RELL1: variants seen among roughly 807,000 people sequenced by gnomAD.
The protein encoded by RELL1 is RELT like 1.
Under a neutral mutation model 23.0 loss-of-function variants are expected in RELL1, and 10 were observed. The observed-to-expected ratio is 0.43, with a 90% CI of 0.27 to 0.74. RELL1 has a LOEUF of 0.74. Ranked by LOEUF, RELL1 falls within the 30% of genes least tolerant of loss-of-function variation. The pLI is 0.19. For synonymous variants in RELL1, 146 were observed against 146.8 expected, an observed-to-expected ratio of 0.99 and a Z score of 0.04; for missense variants, 315 against 364.4, an observed-to-expected ratio of 0.86 and a Z score of 1.10.
At chr4:37,604,776 G>GACAC (rs1186865181) in intron 6 of RELL1, among the ~76,000 whole-genome samples, 2 of 72,550 alleles carry the variant, frequency 2.8e-5, no homozygotes, top group South Asian at 4.8e-4. Context: ...CACACACACA[G>GACAC]ACACACACAG....
At chr4:37,640,989 T>C (rs1255380475) in intron 3 of RELL1, among the ~76,000 whole-genome samples, 1 of 152,206 alleles carries the variant, frequency 6.6e-6, no homozygotes, top group African/African-American at 2.4e-5. Flanking sequence ...TTTAAATCAC[T>C]GCCTGAGAAA....
intron 3 of RELL1, among the ~76,000 whole-genome samples, chr4:37,645,002 T>C (rs1720660961): frequency 6.6e-6 from 1 of 152,096 alleles, no homozygotes; most frequent in South Asian, 2.1e-4. Flanking sequence ...TGGGCTTCAC[T>C]TTATAACATG....
At chr4:37,599,361 G>C (rs1718959749) in intron 6 of RELL1, among the ~76,000 whole-genome samples, 1 of 152,162 alleles carries the variant, frequency 6.6e-6, no homozygotes, top group Non-Finnish European at 1.5e-5. Flanking sequence ...AAAGGGTTTG[G>C]AGTAAGCCTA....
intron 6 of RELL1, among the ~76,000 whole-genome samples, chr4:37,596,725 TATATATATA>T (rs1718861025): frequency 6.5e-5 from 1 of 15,344 alleles, no homozygotes; most frequent in Non-Finnish European, 2.2e-4. Context: ...TATATATATA[TATATATATA>T]TATTTTTTTT....
At chr4:37,651,175 G>T (rs755013207) in intron 1 of RELL1, among the ~76,000 whole-genome samples, 2 of 152,154 alleles carry the variant, frequency 1.3e-5, no homozygotes, top group Non-Finnish European at 2.9e-5. Context: ...TAATATTTAG[G>T]CTGGGCACAG....
intron 6 of RELL1, among the ~76,000 whole-genome samples, chr4:37,597,349 G>C (rs1055630462): frequency 6.6e-6 from 1 of 152,154 alleles, no homozygotes; most frequent in African/African-American, 2.4e-5. Context: ...AGGCCTTTGA[G>C]GAACAGGCTA....
intron 1 of RELL1, among the ~76,000 whole-genome samples, chr4:37,670,209 AG>A (rs1721785775): frequency 7.0e-6 from 1 of 143,056 alleles, no homozygotes; most frequent in African/African-American, 2.7e-5. Flanking sequence ...CATAATCGAT[AG>A]TTTTTTTTTT....
intron 1 of RELL1, among the ~76,000 whole-genome samples, chr4:37,670,763 A>G (rs774925774): frequency 3.3e-5 from 5 of 152,162 alleles, no homozygotes; most frequent in South Asian, 2.1e-4. Context: ...TAGTAGAGAC[A>G]GGGTTTCACC....
downstream of RELL1, chr4:37,590,358 C>T (rs761858334): frequency 1.8e-5 from 29 of 1,613,580 alleles, no homozygotes; most frequent in Middle Eastern, 1.6e-4. Flanking sequence ...TCAACGGCAT[C>T]GGCCCTGCTG....
At chr4:37,608,646 A>ATT (rs35471488), downstream of RELL1, among the ~76,000 whole-genome samples, 289 of 142,182 alleles carry the variant, frequency 2.0e-3, 1 homozygote, top group Admixed American at 2.6e-3. Flanking sequence ...TTTAAATTTA[A>ATT]TTTTTTTTTT....
intron 6 of RELL1, among the ~76,000 whole-genome samples, chr4:37,604,155 C>T (rs34517683): frequency 0.08 from 12,146 of 152,048 alleles, 613 homozygotes; most frequent in African/African-American, 0.13. Flanking sequence ...GGCTAGCGTC[C>T]GTCACCATGG....
intron 6 of RELL1, among the ~76,000 whole-genome samples, chr4:37,592,882 A>T (rs563981559): frequency 7.9e-5 from 12 of 152,248 alleles, no homozygotes; most frequent in Non-Finnish European, 1.6e-4. Context: ...ACATCCCCAC[A>T]ACTGAAAACT....
chr4:37,667,391 G>A (rs1186674745), intron 1 of RELL1, among the ~76,000 whole-genome samples: 2 of 150,746 alleles, frequency 1.3e-5, no homozygotes, highest in African/African-American at 2.4e-5. Flanking sequence ...GAGAGGTTAA[G>A]TAACCTATGC....
chr4:37,613,180 C>CAAACTGAA lies in RELL1; in HGVS notation c.*158_*165dup, dbSNP rs1210379249. 1 of 152,166 alleles carries CAAACTGAA rather than the reference C, an allele frequency of 6.6e-6. No individual in the cohort carries two copies. Among genetic ancestry groups the CAAACTGAA allele is most frequent in the Non-Finnish European group, 1.5e-5 (1 of 68,018 alleles). The allele number at this position is 152,166 out of a possible 1,614,324, so 9.4% of individuals were successfully genotyped here. On this transcript the variant is annotated 3_prime_UTR_variant, in exon 7 of 7. Coordinates refer to ENST00000454158, the MANE Select transcript of RELL1 (RefSeq NM_001085400.2). The stretch of plus-strand genomic sequence containing the variant: ...CTTTCAACCAAAACTTGTTTCAAAG[C>CAAACTGAA]AAACTGAATTCTGTATATGGCACAG...
chr4:37,650,555 C>T (rs1320076353), intron 1 of RELL1, among the ~76,000 whole-genome samples: 3 of 151,824 alleles, frequency 2.0e-5, no homozygotes, highest in Non-Finnish European at 4.4e-5. Flanking sequence ...ACACGGGGCA[C>T]TAGAAGAGAA....
At chr4:37,648,652 G>T (rs1036238625) in intron 2 of RELL1, among the ~76,000 whole-genome samples, 1 of 152,214 alleles carries the variant, frequency 6.6e-6, no homozygotes, top group African/African-American at 2.4e-5. Context: ...GAGACAGCCT[G>T]AAGTTAGTAC....
At position 37,647,452 on chromosome 4, in the gene RELL1, AG is replaced by A. The variant is rs774498967; in HGVS notation, c.314-14del. The A allele has an allele frequency of 4.4e-6, 7 of 1,590,076 alleles. No individual in the cohort carries two copies. In the African/African-American group the frequency reaches 8.1e-5, roughly 18 times the overall value. The stretch of plus-strand genomic sequence containing the variant: ...CTGTCATTCAATTCTGAAAGAGAAA[AG>A]AGGAGGGGAGAACAGGTTACAATTG... On this transcript the variant is annotated splice_polypyrimidine_tract_variant and intron_variant, in intron 2 of 6. Transcript: ENST00000454158.
chr4:37,632,691 A>G (rs1310595171), intron 5 of RELL1, among the ~76,000 whole-genome samples: 1 of 150,492 alleles, frequency 6.6e-6, no homozygotes, highest in Non-Finnish European at 1.5e-5. Context: ...AGGGTTTGAG[A>G]GTAAGCCTTT....
chr4:37,612,656 CCTT>C lies in RELL1; in HGVS notation c.*687_*689del, dbSNP rs113512978. Among the ~76,000 whole-genome samples the C allele has an allele frequency of 3.2e-3, 457 of 141,650 alleles. No homozygotes were observed. Among genetic ancestry groups the C allele is most frequent in the African/African-American group, 0.012 (437 of 36,746 alleles). The allele number at this position is 141,650 out of a possible 152,430, so 92.9% of individuals were successfully genotyped here. A position where few individuals can be genotyped will look rare whatever the true frequency, so the allele number is the denominator to read the frequency against. ...TGCCTCAAAAAAAAAAAAAAAAAAACCTTCTCAAAATGTGTAAGTGCTGTAGGA... is the reference window on the plus strand; with the variant it reads ...TGCCTCAAAAAAAAAAAAAAAAAAACCTCAAAATGTGTAAGTGCTGTAGGA... On this transcript the variant is annotated 3_prime_UTR_variant, in exon 7 of 7. Coordinates refer to ENST00000454158, the MANE Select transcript of RELL1 (RefSeq NM_001085400.2).
Sources: allele counts gnomAD v4.1 joint callset (sites outside exome capture counted in the v4.1 genomes callset), GRCh38; gene constraint gnomAD v4.1.1; transcripts MANE v1.5; gene names NCBI Gene and HGNC (gene_info 2026-07-23, HGNC 2026-07-21).